CCDC91: variants seen among roughly 807,000 people sequenced by gnomAD.
CCDC91 encodes the protein coiled-coil domain-containing protein 91.
A neutral mutation model predicts 63.2 loss-of-function variants in CCDC91; 48 were observed. The observed-to-expected ratio is 0.76, with a 90% CI of 0.60 to 0.97. The LOEUF is 0.97. CCDC91 is among the 50% of genes least tolerant of loss of function. The pLI is 0.00. For synonymous variants in CCDC91, 167 were observed against 165.8 expected, an observed-to-expected ratio of 1.01 and a Z score of -0.06; for missense variants, 500 against 494.6, an observed-to-expected ratio of 1.01 and a Z score of -0.10.
intron 12 of CCDC91, among the ~76,000 whole-genome samples, chr12:28,536,427 G>A (rs1207015563): frequency 6.6e-6 from 1 of 152,098 alleles, no homozygotes; most frequent in Non-Finnish European, 1.5e-5. Flanking sequence ...GAAAAACCTA[G>A]CATTAAACTA....
chr12:28,273,580 C>T (rs1225731960), intron 3 of CCDC91, among the ~76,000 whole-genome samples: 1 of 152,180 alleles, frequency 6.6e-6, no homozygotes, highest in African/African-American at 2.4e-5. Flanking sequence ...TTGCATTTCT[C>T]TGATGGCCAG....
intron 6 of CCDC91, among the ~76,000 whole-genome samples, chr12:28,321,923 A>G (rs1413189826): frequency 6.6e-6 from 1 of 151,664 alleles, no homozygotes. Flanking sequence ...TACGTATAGT[A>G]TATATATGTG....
At chr12:28,319,170 A>G (rs545830934) in intron 6 of CCDC91, among the ~76,000 whole-genome samples, 44 of 152,002 alleles carry the variant, frequency 2.9e-4, no homozygotes, top group Non-Finnish European at 5.9e-4. Context: ...AAAATCAAGT[A>G]AACTGTTTCG....
At chr12:28,266,840 G>A (rs1364384142) in intron 3 of CCDC91, among the ~76,000 whole-genome samples, 1 of 151,698 alleles carries the variant, frequency 6.6e-6, no homozygotes, top group African/African-American at 2.4e-5. Flanking sequence ...TATGAAGATA[G>A]TGCTCTGACT....
chr12:28,454,201 C>T (rs543114655), intron 11 of CCDC91, among the ~76,000 whole-genome samples: 1 of 152,176 alleles, frequency 6.6e-6, no homozygotes, highest in South Asian at 2.1e-4. Flanking sequence ...TTGTTTGGAA[C>T]ATTATTCCTT....
chr12:28,390,327 C>T (rs904608745), intron 7 of CCDC91, among the ~76,000 whole-genome samples: 25 of 151,220 alleles, frequency 1.7e-4, no homozygotes, highest in African/African-American at 5.8e-4. Context: ...AATATGCCAA[C>T]GGTCTGTTTT....
intron 8 of CCDC91, among the ~76,000 whole-genome samples, chr12:28,416,063 G>A (rs1342458662): frequency 6.6e-6 from 1 of 151,700 alleles, no homozygotes; most frequent in Admixed American, 6.6e-5. Flanking sequence ...ATTTAGATGA[G>A]GAGTCAGCAC....
At chr12:28,346,236 C>T (rs1942801012) in intron 6 of CCDC91, among the ~76,000 whole-genome samples, 1 of 152,114 alleles carries the variant, frequency 6.6e-6, no homozygotes, top group African/African-American at 2.4e-5. Flanking sequence ...TAATTTGTTG[C>T]CACCCCAGTG....
chr12:28,509,614 A>G (rs1311435970), intron 12 of CCDC91, among the ~76,000 whole-genome samples: 1 of 151,958 alleles, frequency 6.6e-6, no homozygotes, highest in Non-Finnish European at 1.5e-5. Flanking sequence ...AATTCTCTGT[A>G]ATCATTGTAT....
rs1319129197 is a variant in CCDC91 at position 28,404,488 on chromosome 12, A to ATAT, written c.762+13078_762+13080dup. 6.6e-5 allele frequency among the ~76,000 whole-genome samples: 10 copies of ATAT among 152,262 alleles called. No individual in the cohort carries two copies. The East Asian group carries it at 1.9e-3, about 29-fold the overall frequency. The stretch of plus-strand genomic sequence containing the variant: ...ATATTCTGCTATTGCTGGTTGCAGT[A>ATAT]TATAGACTTCCTTTATATTGAGTTG... On this transcript the variant is annotated intron_variant, in intron 8 of 12. Coordinates refer to ENST00000536442, the MANE Select transcript of CCDC91 (RefSeq NM_018318.5).
intron 8 of CCDC91, among the ~76,000 whole-genome samples, chr12:28,441,339 T>A (rs536584141): frequency 9.9e-4 from 150 of 152,072 alleles, no homozygotes; most frequent in South Asian, 3.1e-3. Context: ...TTTATAAATT[T>A]AATCATACAC....
chr12:28,217,941 A>G (rs1943672745), intron 1 of CCDC91, among the ~76,000 whole-genome samples: 1 of 152,054 alleles, frequency 6.6e-6, no homozygotes, highest in Non-Finnish European at 1.5e-5. Context: ...GATGTAGGTG[A>G]CATCCTTTTC....
chr12:28,492,708 A>C (rs1198423250), intron 12 of CCDC91, among the ~76,000 whole-genome samples: 1 of 151,664 alleles, frequency 6.6e-6, no homozygotes, highest in Non-Finnish European at 1.5e-5. Context: ...AGTAATATAC[A>C]AAAGGACTGG....
intron 8 of CCDC91, among the ~76,000 whole-genome samples, chr12:28,398,867 G>A (rs1946449580): frequency 6.6e-6 from 1 of 152,100 alleles, no homozygotes; most frequent in Non-Finnish European, 1.5e-5. Context: ...ATATTCATGA[G>A]TTTTTCATAA....
chr12:28,406,001 C>T (rs1357250929), intron 8 of CCDC91, among the ~76,000 whole-genome samples: 1 of 152,138 alleles, frequency 6.6e-6, no homozygotes, highest in Non-Finnish European at 1.5e-5. Flanking sequence ...ATGCATCCCC[C>T]TTACGAATGG....
intron 8 of CCDC91, among the ~76,000 whole-genome samples, chr12:28,407,282 T>C (rs1050947631): frequency 1.3e-5 from 2 of 152,174 alleles, no homozygotes; most frequent in Non-Finnish European, 2.9e-5. Flanking sequence ...TATTTCTTTA[T>C]AGCAATGCAA....
intron 1 of CCDC91, chr12:28,255,901 G>A (rs1946412926): frequency 6.6e-6 from 1 of 152,018 alleles, no homozygotes; most frequent in South Asian, 2.1e-4. Context: ...AGAAGGTAAA[G>A]CACAGATATA....
At chr12:28,401,207 A>G (rs905168237) in intron 8 of CCDC91, among the ~76,000 whole-genome samples, 2 of 152,126 alleles carry the variant, frequency 1.3e-5, no homozygotes, top group African/African-American at 4.8e-5. Flanking sequence ...GGTTTAATTG[A>G]CTCACAGTTC....
intron 1 of CCDC91, among the ~76,000 whole-genome samples, chr12:28,221,698 C>A (rs1233806679): frequency 1.3e-5 from 2 of 152,192 alleles, no homozygotes; most frequent in African/African-American, 2.4e-5. Context: ...TTTATCCACT[C>A]TGACTGATAG....
Sources: allele counts gnomAD v4.1 joint callset (sites outside exome capture counted in the v4.1 genomes callset), GRCh38; gene constraint gnomAD v4.1.1; transcripts MANE v1.5; gene names NCBI Gene and HGNC (gene_info 2026-07-23, HGNC 2026-07-21).